IL1RL1: variants seen among roughly 807,000 people sequenced by gnomAD.
The protein encoded by IL1RL1 is interleukin 1 receptor like 1, also known as interleukin-1 receptor-like 1.
In IL1RL1, 32 loss-of-function variants were observed where a neutral mutation model predicts 50.9. The observed-to-expected ratio is 0.63, with a 90% CI of 0.47 to 0.84. IL1RL1 has a LOEUF of 0.84. IL1RL1 is among the 40% of genes least tolerant of loss of function. The pLI is 0.00. For missense variants in IL1RL1, 773 were observed against 662.9 expected (o/e 1.17, Z -1.82); for synonymous variants, 275 against 236.0 (o/e 1.17, Z -1.51).
rs778488490 is a variant in IL1RL1, at chr2:102,342,287, G to A, written c.675G>A (p.Val225=). ...CTGCACAAAATGAAATAAAGGAAGT[G>A]GAAATTGGTAAGAAAATTTATCAGA... ...GAPAQNEIKE[V]EIGKNANLTC... is the part of the protein sequence containing the mutation. Residue 225 remains valine, a synonymous_variant, in exon 6 of 11, where the codon GTG becomes GTA. Coordinates refer to ENST00000233954, the MANE Select transcript of IL1RL1 (RefSeq NM_016232.5). 1.2e-6 allele frequency: 2 copies of A among 1,605,390 alleles called. No homozygotes were observed. Among genetic ancestry groups the A allele is most frequent in the South Asian group, 2.2e-5 (2 of 90,884 alleles).
At chr2:102,328,953 A>C (rs941990356) in intron 1 of IL1RL1, among the ~76,000 whole-genome samples, 15 of 152,186 alleles carry the variant, frequency 9.9e-5, no homozygotes, top group Non-Finnish European at 1.8e-4. Context: ...CCATCAAGCT[A>C]CCAATGACTT....
rs549683510 is a variant in IL1RL1, at chr2:102,313,619, C to T, written c.-150+1996C>T. On this transcript the variant is annotated intron_variant, in intron 1 of 10. Transcript: ENST00000233954. ...TATAATCACAAGGGTTTATATTTCT[C>T]TGCCCACTCCTCCATACTTCCTGGT... Among the ~76,000 whole-genome samples the T allele has an allele frequency of 3.3e-5, 5 of 152,300 alleles. No individual in the cohort carries two copies. In the East Asian group the frequency reaches 9.6e-4, roughly 29 times the overall value.
chr2:102,315,336 T>C (rs1676646539), intron 1 of IL1RL1, among the ~76,000 whole-genome samples: 1 of 152,190 alleles, frequency 6.6e-6, no homozygotes, highest in Non-Finnish European at 1.5e-5. Flanking sequence ...CTCTTCACTC[T>C]GGGGCATTAT....
chr2:102,350,306 C>A (rs1270743889), intron 10 of IL1RL1, among the ~76,000 whole-genome samples: 5 of 152,252 alleles, frequency 3.3e-5, no homozygotes, highest in Non-Finnish European at 7.3e-5. Flanking sequence ...AAGCTCTTCA[C>A]CTCTTCTTTT....
At chr2:102,311,980 AATAT>A (rs1191369912) in intron 1 of IL1RL1, among the ~76,000 whole-genome samples, 2 of 36,604 alleles carry the variant, frequency 5.5e-5, no homozygotes, top group African/African-American at 2.0e-4. Flanking sequence ...TATTATATAT[AATAT>A]ATATTATATA....
intron 5 of IL1RL1, chr2:102,341,292 C>T (rs988985516): frequency 1.0e-5 from 13 of 1,251,644 alleles, no homozygotes; most frequent in Non-Finnish European, 1.3e-5. Flanking sequence ...CTATGGTGTA[C>T]ATAAATGTTG....
chr2:102,348,458 G>A (rs1677840682), intron 9 of IL1RL1, among the ~76,000 whole-genome samples: 1 of 152,130 alleles, frequency 6.6e-6, no homozygotes, highest in Non-Finnish European at 1.5e-5. Context: ...TTCCAGATGT[G>A]AGCAGGTTAG....
At chr2:102,325,362 C>G (rs1215050756) in intron 1 of IL1RL1, among the ~76,000 whole-genome samples, 1 of 152,134 alleles carries the variant, frequency 6.6e-6, no homozygotes, top group Non-Finnish European at 1.5e-5. Flanking sequence ...ATGTCATCAT[C>G]ATCAAAGACC....
intron 1 of IL1RL1, among the ~76,000 whole-genome samples, chr2:102,317,150 C>G (rs1573127485): frequency 6.6e-6 from 1 of 152,058 alleles, no homozygotes; most frequent in Non-Finnish European, 1.5e-5. Flanking sequence ...GTCAGGAGAT[C>G]GAGACCATCC....
chr2:102,311,995 TAA>T (rs1676517274), intron 1 of IL1RL1, among the ~76,000 whole-genome samples: 1 of 32,408 alleles, frequency 3.1e-5, no homozygotes, highest in Non-Finnish European at 4.9e-5. Context: ...ATATTATATA[TAA>T]TATATTTATA....
chr2:102,344,466 G>A (rs992158068), intron 8 of IL1RL1: 20 of 540,418 alleles, frequency 3.7e-5, no homozygotes, highest in East Asian at 2.9e-4. Flanking sequence ...CAGGTACCAC[G>A]TATTCCAGGG....
chr2:102,332,294 A>G (rs931678987), intron 1 of IL1RL1, among the ~76,000 whole-genome samples: 7 of 152,158 alleles, frequency 4.6e-5, no homozygotes, highest in African/African-American at 1.7e-4. Context: ...GGAGATGGGG[A>G]TTGGGAGAGG....
intron 1 of IL1RL1, among the ~76,000 whole-genome samples, chr2:102,319,597 G>C (rs964303906): frequency 1.5e-4 from 23 of 152,312 alleles, no homozygotes; most frequent in African/African-American, 4.8e-4. Context: ...TAGTACACTA[G>C]GTGCCTATAG....
In IL1RL1 at chr2:102,342,234, T is replaced by C. The variant is rs764024371; in HGVS notation, c.622T>C (p.Phe208Leu). Residue 208 changes from phenylalanine (F) to leucine (L), a missense_variant, in exon 6 of 11, where the codon TTT (phenylalanine) becomes CTT (leucine). By Grantham distance (22) the Phe-to-Leu change is conservative. Transcript: ENST00000233954. ...RSFTVKDEQG[F>L]SLFPVIGAPA... ...TTTTTGTCTTTAAGATGAGCAAGGC[T>C]TTTCTCTGTTTCCAGTAATCGGAGC... 7.5e-6 allele frequency: 12 copies of C among 1,610,226 alleles called. No individual in the cohort carries two copies. In the South Asian group the frequency reaches 1.2e-4, roughly 16 times the overall value.
chr2:102,315,646 T>C (rs1391785994), intron 1 of IL1RL1, among the ~76,000 whole-genome samples: 7 of 152,170 alleles, frequency 4.6e-5, no homozygotes, highest in Non-Finnish European at 1.0e-4. Flanking sequence ...TCATTTCACC[T>C]TTTTTTCTTA....
intron 3 of IL1RL1, 190 bp downstream of exon 3, chr2:102,339,237 T>G: frequency 1.8e-6 from 1 of 549,700 alleles, no homozygotes; most frequent in East Asian, 2.9e-5. Flanking sequence ...TAGCTCATTC[T>G]GAGCTATTTG....
intron 1 of IL1RL1, among the ~76,000 whole-genome samples, chr2:102,336,416 A>G (rs1443407731): frequency 6.6e-6 from 1 of 152,226 alleles, no homozygotes; most frequent in African/African-American, 2.4e-5. Context: ...ATTCTAAAGA[A>G]AAGTTAGCTA....
At chr2:102,328,664 C>T (rs1014143177) in intron 1 of IL1RL1, among the ~76,000 whole-genome samples, 9 of 152,138 alleles carry the variant, frequency 5.9e-5, no homozygotes, top group East Asian at 1.9e-4. Context: ...AAAAAATCAA[C>T]GTGCAAAAAT....
At chr2:102,318,514 C>T (rs10179458) in intron 1 of IL1RL1, among the ~76,000 whole-genome samples, 26,185 of 152,092 alleles carry the variant, frequency 0.17, 2,575 homozygotes, top group African/African-American at 0.25. Context: ...GGAATATAGA[C>T]AAGTGAAGGC....
Sources: allele counts gnomAD v4.1 joint callset (sites outside exome capture counted in the v4.1 genomes callset), GRCh38; gene constraint gnomAD v4.1.1; transcripts MANE v1.5; gene names NCBI Gene and HGNC (gene_info 2026-07-23, HGNC 2026-07-21).